Variants in RANBP17 observed in about 807,000 individuals in gnomAD.
RANBP17 encodes the protein ran-binding protein 17.
In RANBP17, 158 loss-of-function variants were observed where a neutral mutation model predicts 141.2. The ratio of observed to expected loss-of-function variants is 1.12; its 90% confidence interval spans 0.98 to 1.28. The LOEUF is 1.28. RANBP17 is among the 50% of genes most tolerant of loss of function. RANBP17 has a pLI of 0.00. For synonymous variants in RANBP17, 430 were observed against 450.0 expected (o/e 0.96, Z 0.56); for missense variants, 1,438 against 1,290.7 (o/e 1.11, Z -1.75).
chr5:171,171,549 C>T (rs1760100748), intron 16 of RANBP17, among the ~76,000 whole-genome samples: 1 of 151,918 alleles, frequency 6.6e-6, no homozygotes, highest in Non-Finnish European at 1.5e-5. Context: ...CTCACCCAGG[C>T]TAATAAATGG....
At chr5:171,096,590 A>G (rs61367262) in intron 14 of RANBP17, among the ~76,000 whole-genome samples, 7,030 of 152,306 alleles carry the variant, frequency 0.046, 203 homozygotes, top group East Asian at 0.12. Context: ...TACACAGTAG[A>G]TCTAAAGAGA....
rs1402200575 is a variant in RANBP17 at position 171,199,764 on chromosome 5, A to G, written c.2133A>G (p.Glu711=). The G allele has an allele frequency of 6.3e-6, 10 of 1,592,582 alleles. No individual in the cohort carries two copies. Among genetic ancestry groups the G allele is most frequent in the Middle Eastern group, 1.7e-4 (1 of 6,032 alleles). Residue 711 remains glutamate (E), a synonymous_variant, in exon 19 of 28, where the codon GAA becomes GAG. Coordinates refer to ENST00000523189, the MANE Select transcript of RANBP17 (RefSeq NM_022897.5). ...TATTCAACAACAACTTTAAACAAGA[A>G]GATGTAAAGGTGGGTTTGTTTCCAA... is the stretch of plus-strand genomic sequence containing the variant. ...LQIFNNNFKQ[E]DVKRMLIGLA...
chr5:171,221,759 T>A lies in RANBP17; in HGVS notation c.2341T>A (p.Ser781Thr). 1 of 1,597,018 alleles carries A rather than the reference T, an allele frequency of 6.3e-7. No individual in the cohort carries two copies. Among genetic ancestry groups the A allele is most frequent in the Non-Finnish European group, 8.6e-7 (1 of 1,165,938 alleles). ...KLMAELMQNR[S>T]QRLNFDVSSP... ...GCAATTTTTTTCTATATTTCTTAGA[T>A]CCCAGCGTTTGAATTTTGATGTATC... The change falls in exon 22 of 28, where the codon TCC becomes ACC. Residue 781 changes from serine (S) to threonine (T), a missense_variant and splice_region_variant. By Grantham distance (58) the Ser-to-Thr change is moderately conservative. Transcript: ENST00000523189.
At chr5:170,953,994 T>C (rs1371111444) in intron 13 of RANBP17, among the ~76,000 whole-genome samples, 3 of 152,142 alleles carry the variant, frequency 2.0e-5, no homozygotes, top group African/African-American at 7.2e-5. Flanking sequence ...AGTTGGTGTG[T>C]ATTGGAAAGG....
rs199624282 is a variant in RANBP17 at position 171,084,310 on chromosome 5, C to T, written c.1711-85820C>T. Among the ~76,000 whole-genome samples, 42 of 146,478 alleles carry T rather than the reference C, an allele frequency of 2.9e-4. No homozygotes were observed. In the East Asian group the frequency reaches 8.2e-3, roughly 29 times the overall value. On this transcript the variant is annotated intron_variant, in intron 14 of 27. Transcript: ENST00000523189. ...ATGAACTCATCATTTTTTATGGCTG[C>T]ATAGTATTCCATGGTGTATATGTGC... is the stretch of plus-strand genomic sequence containing the variant.
intron 14 of RANBP17, among the ~76,000 whole-genome samples, chr5:171,141,601 G>T (rs190513495): frequency 9.3e-6 from 1 of 107,878 alleles, no homozygotes; most frequent in East Asian, 3.1e-4. Flanking sequence ...TGTAGACTGA[G>T]ATGGAGCGAG....
chr5:171,275,205 C>G (rs1000224394), intron 25 of RANBP17, among the ~76,000 whole-genome samples: 4 of 152,168 alleles, frequency 2.6e-5, no homozygotes, highest in Non-Finnish European at 4.4e-5. Context: ...ATTTAAACTC[C>G]TGTGCCTCAG....
At chr5:170,985,647 G>T (rs1050064687) in intron 14 of RANBP17, among the ~76,000 whole-genome samples, 2 of 152,134 alleles carry the variant, frequency 1.3e-5, no homozygotes, top group African/African-American at 4.8e-5. Context: ...GTGTGCACTT[G>T]TGCAAATCTG....
At chr5:171,155,972 A>G (rs1009330776) in intron 14 of RANBP17, among the ~76,000 whole-genome samples, 1 of 152,148 alleles carries the variant, frequency 6.6e-6, no homozygotes, top group Non-Finnish European at 1.5e-5. Flanking sequence ...TAATTTAACA[A>G]CTTAATCCTG....
At chr5:171,176,590 C>T in intron 16 of RANBP17, among the ~76,000 whole-genome samples, 1 of 152,084 alleles carries the variant, frequency 6.6e-6, no homozygotes, top group East Asian at 1.9e-4. Flanking sequence ...AGCTTAAAGT[C>T]AGTTGTTTTA....
intron 25 of RANBP17, among the ~76,000 whole-genome samples, chr5:171,278,242 G>C (rs1193366104): frequency 1.3e-5 from 2 of 152,058 alleles, no homozygotes; most frequent in Non-Finnish European, 2.9e-5. Flanking sequence ...AAATTGGCCG[G>C]GTGTGGTGGC....
At chr5:171,010,256 G>C (rs1779947240) in intron 14 of RANBP17, among the ~76,000 whole-genome samples, 1 of 152,174 alleles carries the variant, frequency 6.6e-6, no homozygotes, top group Non-Finnish European at 1.5e-5. Flanking sequence ...TGCTAAAATA[G>C]AGGAACTTGG....
At chr5:171,031,144 A>G (rs1781525323) in intron 14 of RANBP17, among the ~76,000 whole-genome samples, 1 of 151,794 alleles carries the variant, frequency 6.6e-6, no homozygotes, top group East Asian at 1.9e-4. Flanking sequence ...ATGAGCTCTT[A>G]ATCATCTACA....
chr5:171,079,088 A>G (rs1785109516), intron 14 of RANBP17, among the ~76,000 whole-genome samples: 1 of 152,222 alleles, frequency 6.6e-6, no homozygotes, highest in Non-Finnish European at 1.5e-5. Context: ...GTAGGTCAGT[A>G]TATTAACATT....
At chr5:171,237,209 C>G (rs1367731652) in intron 22 of RANBP17, among the ~76,000 whole-genome samples, 3 of 152,244 alleles carry the variant, frequency 2.0e-5, no homozygotes, top group Admixed American at 2.0e-4. Flanking sequence ...ATAACAACAA[C>G]AAAGTCCTCT....
At chr5:171,273,131 T>C (rs1295002901) in intron 25 of RANBP17, among the ~76,000 whole-genome samples, 1 of 152,206 alleles carries the variant, frequency 6.6e-6, no homozygotes, top group Non-Finnish European at 1.5e-5. Context: ...GAAATGATGA[T>C]AGGGAAGCAC....
chr5:171,050,088 C>T (rs1782856103), intron 14 of RANBP17, among the ~76,000 whole-genome samples: 1 of 152,150 alleles, frequency 6.6e-6, no homozygotes, highest in African/African-American at 2.4e-5. Flanking sequence ...ATTAATTCTT[C>T]CTATCCGTGA....
intron 1 of RANBP17, 142 bp from the exon 2 acceptor site, chr5:170,877,955 C>T (rs892219069): frequency 4.2e-6 from 2 of 474,148 alleles, no homozygotes; most frequent in Non-Finnish European, 7.0e-6. Context: ...CAACTGTATC[C>T]CCTAGTAAGT....
chr5:171,061,640 T>G (rs149597538), intron 14 of RANBP17, among the ~76,000 whole-genome samples: 2,760 of 152,306 alleles, frequency 0.018, 81 homozygotes, highest in African/African-American at 0.063. Context: ...GTATATTCTG[T>G]TGATTTGGGG....
Sources: gnomAD v4.1 joint callset for allele counts (sites outside exome capture counted in the v4.1 genomes callset) on GRCh38, gnomAD v4.1.1 for gene constraint, MANE v1.5 for transcripts, NCBI Gene and HGNC (gene_info 2026-07-23, HGNC 2026-07-21) for gene names.